The following CEP250 variants were observed in gnomAD, a reference collection of about 807,000 sequenced individuals.
The protein encoded by CEP250 is centrosome-associated protein CEP250.
CEP250 carries 242 observed loss-of-function variants against 315.7 expected under a neutral mutation model. The observed-to-expected ratio is 0.77, with a 90% CI of 0.69 to 0.85. The LOEUF (loss-of-function observed/expected upper bound fraction) is 0.85, where lower values mean the gene tolerates loss of function less well. Among genes scored for constraint, CEP250 ranks in the 40% least tolerant of loss-of-function variants. The pLI, the probability that CEP250 is intolerant of heterozygous loss-of-function variation, is 0.00. For synonymous variants in CEP250, 1,088 were observed against 1,175.0 expected (o/e 0.93, Z 1.51); for missense variants, 2,515 against 2,886.4 (o/e 0.87, Z 2.95).
chr20:35,502,313 A>T, intron 29 of CEP250, 77 bp from the exon 30 acceptor site: 1 of 1,290,872 alleles, frequency 7.7e-7, no homozygotes, highest in Non-Finnish European at 1.1e-6. Flanking sequence ...CCACAAAATA[A>T]GAAAGAGAAG....
chr20:35,484,640 A>C (rs2063453649), intron 20 of CEP250, among the ~76,000 whole-genome samples: 3 of 150,432 alleles, frequency 2.0e-5, no homozygotes, highest in Non-Finnish European at 4.4e-5. Context: ...CTAGAGATGG[A>C]CTATCACTAT....
At position 35,491,322 on chromosome 20, in the gene CEP250, G is replaced by A. The variant is rs1414135435; in HGVS notation, c.2865G>A (p.Met955Ile). The change falls in exon 22 of 35, where the codon ATG becomes ATA. Residue 955 changes from methionine to isoleucine, a missense_variant. Coordinates refer to ENST00000397527, the MANE Select transcript of CEP250 (RefSeq NM_007186.6). ...AACTGGAACGACTGAGGCAGGACATGAAAGTCCAGAAATTAAAGGAGCAGG... is the reference window on the plus strand; with the variant it reads ...AACTGGAACGACTGAGGCAGGACATAAAAGTCCAGAAATTAAAGGAGCAGG... Reference protein sequence around the residue: ...SQQLERLRQDMKVQKLKEQET... With the variant: ...SQQLERLRQDIKVQKLKEQET... The A allele has an allele frequency of 1.1e-5, 17 of 1,595,388 alleles. No homozygotes were observed. The highest frequency in any genetic ancestry group is 1.5e-5 in the Non-Finnish European group (17 of 1,170,546).
rs2064065392 is a variant in CEP250 at position 35,503,111 on chromosome 20, G to A, written c.4742G>A (p.Gly1581Asp). The A allele has an allele frequency of 6.2e-7, 1 of 1,614,158 alleles. No individual in the cohort carries two copies. The highest frequency in any genetic ancestry group is 2.2e-5 in the East Asian group (1 of 44,890). The change falls in exon 30 of 35, where the codon GGC (glycine) becomes GAC (aspartate). Residue 1581 changes from glycine to aspartate, a missense_variant. Gly to Asp is a moderately conservative substitution (Grantham distance 94, BLOSUM62 -1). Transcript: ENST00000397527. The surrounding 1 kb of genome is among the most constrained non-coding windows in gnomAD (Gnocchi z 4.2). ...CAAAAACTGATCAAGGAGCTGGAGG[G>A]CCAGAGGGAAACCCAGAGAGTGGCT... ...CQQKLIKELEGQRETQRVALT... is the reference protein window; with the variant it reads ...CQQKLIKELEDQRETQRVALT...
intron 13 of CEP250, 97 bp downstream of exon 13, chr20:35,473,649 T>C: frequency 7.8e-7 from 1 of 1,290,218 alleles, no homozygotes; most frequent in Non-Finnish European, 1.1e-6. Context: ...TTTGGGGTGC[T>C]GATCCTGTTC....
chr20:35,490,765 G>A lies in CEP250; in HGVS notation c.2715G>A (p.Arg905=), dbSNP rs776951194. Residue 905 remains arginine (R), a synonymous_variant, in exon 21 of 35, where the codon AGG becomes AGA. Coordinates refer to ENST00000397527, the MANE Select transcript of CEP250 (RefSeq NM_007186.6). ...AAATGGAGGCCATCCAGGCCCAGAGGGAAGAAGAACGGACCCAGGCAGAGA... is the reference window on the plus strand; with the variant it reads ...AAATGGAGGCCATCCAGGCCCAGAGAGAAGAAGAACGGACCCAGGCAGAGA... ...QTEMEAIQAQ[R]EEERTQAESA... 2 of 1,613,684 alleles carry A rather than the reference G, an allele frequency of 1.2e-6. No homozygotes were observed. Among genetic ancestry groups the A allele is most frequent in the South Asian group, 1.1e-5 (1 of 91,060 alleles).
chr20:35,467,783 A>G (rs940635493), intron 9 of CEP250, among the ~76,000 whole-genome samples: 11 of 151,956 alleles, frequency 7.2e-5, no homozygotes, highest in African/African-American at 2.7e-4. Flanking sequence ...TTATGGAGCT[A>G]GCTATGACTC....
chr20:35,474,186 C>T, intron 14 of CEP250, 134 bp downstream of exon 14: 1 of 730,674 alleles, frequency 1.4e-6, no homozygotes, highest in Non-Finnish European at 2.1e-6. Flanking sequence ...TAGCTTGCTG[C>T]TTCTTCCTTT....
intron 2 of CEP250, among the ~76,000 whole-genome samples, chr20:35,459,197 C>T: frequency 6.6e-6 from 1 of 150,768 alleles, no homozygotes; most frequent in Non-Finnish European, 1.5e-5. Context: ...TGCTTTATCT[C>T]TACAAGCCTC....
intron 34 of CEP250, among the ~76,000 whole-genome samples, chr20:35,510,770 G>A (rs780934302): frequency 1.3e-5 from 2 of 152,144 alleles, no homozygotes; most frequent in Admixed American, 6.5e-5. Flanking sequence ...CAAGGTGGGC[G>A]GATCGCTTGA....
intron 14 of CEP250, chr20:35,474,836 A>T (rs1035342933): frequency 1.7e-5 from 8 of 471,104 alleles, no homozygotes; most frequent in Admixed American, 1.6e-4. Flanking sequence ...AAACGCCAGC[A>T]TAGAACCTGG....
intron 8 of CEP250, 69 bp from the exon 9 acceptor site, chr20:35,467,235 C>A: frequency 1.3e-6 from 2 of 1,548,314 alleles, no homozygotes; most frequent in Non-Finnish European, 1.8e-6. Context: ...TCAGGCTTCA[C>A]TGGGCCTGAT....
At chr20:35,511,032 A>G (rs2064340555) in intron 34 of CEP250, among the ~76,000 whole-genome samples, 1 of 152,130 alleles carries the variant, frequency 6.6e-6, no homozygotes, top group Non-Finnish European at 1.5e-5. Flanking sequence ...ACTTGAGTAT[A>G]TATTGTTATC....
chr20:35,495,977 A>G (rs191813605), intron 24 of CEP250, among the ~76,000 whole-genome samples: 250 of 152,214 alleles, frequency 1.6e-3, no homozygotes, highest in Non-Finnish European at 2.5e-3. Flanking sequence ...GATTGGATGT[A>G]GGTAGGTTGA....
At chr20:35,461,436 T>C (rs1476279058) in intron 3 of CEP250, among the ~76,000 whole-genome samples, 1 of 152,232 alleles carries the variant, frequency 6.6e-6, no homozygotes, top group Non-Finnish European at 1.5e-5. Flanking sequence ...GTATCTCTGA[T>C]GAAGGTCACC....
intron 21 of CEP250, 173 bp downstream of exon 21, chr20:35,490,977 C>T: frequency 1.2e-6 from 1 of 816,426 alleles, no homozygotes; most frequent in Non-Finnish European, 1.9e-6. Flanking sequence ...ACAGTTCCGG[C>T]AGTATGTCAT....
chr20:35,475,826 G>A (rs959505601), intron 15 of CEP250, among the ~76,000 whole-genome samples, 180 bp downstream of exon 15: 1 of 152,180 alleles, frequency 6.6e-6, no homozygotes, highest in Admixed American at 6.5e-5. Flanking sequence ...GCTTTCTAAA[G>A]TATATACCTG....
At chr20:35,488,520 C>A (rs1017725070) in intron 20 of CEP250, among the ~76,000 whole-genome samples, 1 of 151,916 alleles carries the variant, frequency 6.6e-6, no homozygotes, top group Non-Finnish European at 1.5e-5. Context: ...GTGGCGTGAT[C>A]AGGGCTTAAC....
rs2064398517 is a variant in CEP250 at position 35,513,535 on chromosome 20, G to A, written c.*1909G>A. The A allele has an allele frequency of 6.6e-6, 1 of 152,166 alleles. No individual in the cohort carries two copies. The highest frequency in any genetic ancestry group is 1.5e-5 in the Non-Finnish European group (1 of 68,058). The allele number at this position is 152,166 out of a possible 1,614,324, so 9.4% of individuals were successfully genotyped here. A position where few individuals can be genotyped will look rare whatever the true frequency, so the allele number is the denominator to read the frequency against. ...GGCCTCCCAAAATGTTGGGATTACGGGCATGAGCCACCGCGCCCGGCCCTT... is the reference window on the plus strand; with the variant it reads ...GGCCTCCCAAAATGTTGGGATTACGAGCATGAGCCACCGCGCCCGGCCCTT... On this transcript the variant is annotated 3_prime_UTR_variant, in exon 35 of 35. Transcript: ENST00000397527.
At chr20:35,490,922 T>C in intron 21 of CEP250, 118 bp downstream of exon 21, 1 of 1,242,484 alleles carries the variant, frequency 8.0e-7, no homozygotes. Flanking sequence ...AGAGGGTAGC[T>C]ACCCACTTTG....
Sources: gnomAD v4.1 joint callset for allele counts (sites outside exome capture counted in the v4.1 genomes callset) on GRCh38, gnomAD v4.1.1 for gene constraint, Gnocchi (gnomAD v3.1) non-coding constraint, MANE v1.5 for transcripts, NCBI Gene and HGNC (gene_info 2026-07-23, HGNC 2026-07-21) for gene names.